The following PCDHA9 variants were observed in gnomAD, a reference collection of about 807,000 sequenced individuals.
The protein encoded by PCDHA9 is protocadherin alpha 9.
Under a neutral mutation model 62.0 loss-of-function variants are expected in PCDHA9, and 62 were observed. The observed-to-expected ratio is 1.00, with a 90% CI of 0.81 to 1.23. The LOEUF is 1.23. PCDHA9 is among the 50% of genes most tolerant of loss of function. PCDHA9 has a pLI of 0.00. For missense variants in PCDHA9, 1,205 were observed against 1,249.8 expected, an observed-to-expected ratio of 0.96 and a Z score of 0.54; for synonymous variants, 557 against 567.6, an observed-to-expected ratio of 0.98 and a Z score of 0.27.
intron 1 of PCDHA9, among the ~76,000 whole-genome samples, chr5:140,885,974 T>C (rs2060795303): frequency 6.6e-6 from 1 of 152,200 alleles, no homozygotes; most frequent in Admixed American, 6.5e-5. Flanking sequence ...GAGATAATTA[T>C]AGATTCGCAT....
intron 1 of PCDHA9, chr5:140,967,201 A>T: frequency 6.2e-7 from 1 of 1,613,620 alleles, no homozygotes; most frequent in Non-Finnish European, 8.5e-7. Flanking sequence ...ACGACAACTC[A>T]CCGCGTTTCC....
Position 140,876,739 on chromosome 5 carries a change from C to T in PCDHA9, c.2394+25850C>T, listed in dbSNP as rs782400807. The T allele has an allele frequency of 7.4e-6, 12 of 1,614,126 alleles. No homozygotes were observed. The South Asian group carries it at 1.1e-4, about 15-fold the overall frequency. ...CCGCGAGAGCGTGTCGGCCTATGAG[C>T]TGGTGGTGACTGCGCGGGATGGGGG... On this transcript the variant is annotated intron_variant, in intron 1 of 3. Coordinates refer to ENST00000532602, the MANE Select transcript of PCDHA9 (RefSeq NM_031857.2).
rs868917699 is a variant in PCDHA9, at chr5:140,850,459, G to T, written c.1964G>T (p.Gly655Val). 6.3e-7 allele frequency: 1 copy of T among 1,597,898 alleles called. No homozygotes were observed. Among genetic ancestry groups the T allele is most frequent in the Admixed American group, 1.7e-5 (1 of 59,264 alleles). ...CTACTGGTGCTGGTGAAAGACCACG[G>T]GGAGCCAGCGCTGACGGCCACGGCC... ...QRLLVLVKDH[G>V]EPALTATATV... Residue 655 changes from glycine (G) to valine (V), a missense_variant, in exon 1 of 4, where the codon GGG (glycine) becomes GTG (valine). Transcript: ENST00000532602.
rs575152424 is a variant in PCDHA9 at position 140,895,872 on chromosome 5, C to T, written c.2394+44983C>T. Among the ~76,000 whole-genome samples, 3 of 152,222 alleles carry T rather than the reference C, an allele frequency of 2.0e-5. No homozygotes were observed. The South Asian group carries it at 6.2e-4, about 32-fold the overall frequency. ...TGTACCCCAGGCTGGAGTGCAATGG[C>T]GCGATCTCGGCTCACTGCAACCTCC... On this transcript the variant is annotated intron_variant, in intron 1 of 3. Transcript: ENST00000532602.
intron 1 of PCDHA9, among the ~76,000 whole-genome samples, chr5:140,886,624 G>A (rs1204732273): frequency 6.6e-6 from 1 of 151,636 alleles, no homozygotes; most frequent in African/African-American, 2.4e-5. Context: ...TCAGGAGTCC[G>A]AGACCAGCCT....
chr5:140,856,274 G>T, intron 1 of PCDHA9: 1 of 1,598,358 alleles, frequency 6.3e-7, no homozygotes, highest in Non-Finnish European at 8.6e-7. Context: ...CCTTCTGGAG[G>T]TAAATCTGCA....
intron 1 of PCDHA9, chr5:140,927,843 CTT>C (rs1563097902): frequency 4.3e-6 from 7 of 1,614,186 alleles, no homozygotes; most frequent in African/African-American, 2.7e-5. Flanking sequence ...ACGAAGGTGT[CTT>C]TGGTTTAGCT....
intron 1 of PCDHA9, chr5:140,882,154 A>C (rs2058976763): frequency 1.3e-6 from 2 of 1,505,976 alleles, no homozygotes; most frequent in Non-Finnish European, 1.8e-6. Flanking sequence ...AGAAAGCGGA[A>C]TACCTCTTGC....
At chr5:140,970,247 C>T (rs551216649) in intron 1 of PCDHA9, among the ~76,000 whole-genome samples, 1 of 152,290 alleles carries the variant, frequency 6.6e-6, no homozygotes, top group East Asian at 1.9e-4. Context: ...TTTCTGTTGA[C>T]AGTTTCTATG....
chr5:140,939,379 A>C (rs1554212694), intron 1 of PCDHA9, among the ~76,000 whole-genome samples: 1 of 152,170 alleles, frequency 6.6e-6, no homozygotes, highest in Non-Finnish European at 1.5e-5. Flanking sequence ...GAACACAAAC[A>C]TTCAGATCAT....
chr5:141,010,525 C>A lies in PCDHA9; in HGVS notation c.*588C>A. On this transcript the variant is annotated 3_prime_UTR_variant, in exon 4 of 4. Coordinates refer to ENST00000532602, the MANE Select transcript of PCDHA9 (RefSeq NM_031857.2). ...CTAAATCTTACAACTCAAGAGGTGG[C>A]AGCCACCCTCTAGGAGACAAAACTA... 1 of 436,454 alleles carries A rather than the reference C, an allele frequency of 2.3e-6. No homozygotes were observed. The highest frequency in any genetic ancestry group is 3.9e-6 in the Non-Finnish European group (1 of 256,874). 27.0% of individuals were successfully genotyped at this position (436,454 alleles called of 1,614,324 possible).
intron 1 of PCDHA9, among the ~76,000 whole-genome samples, chr5:140,922,964 GTGGCA>G (rs1293947003): frequency 6.6e-6 from 1 of 152,186 alleles, no homozygotes; most frequent in East Asian, 1.9e-4. Context: ...TCTTCAGCCA[GTGGCA>G]TATCTCAGAC....
chr5:140,877,704 C>G, intron 1 of PCDHA9: 2 of 1,613,952 alleles, frequency 1.2e-6, no homozygotes, highest in South Asian at 1.1e-5. Context: ...GCTCCAGCGC[C>G]GTGGGGAGTT....
chr5:140,967,026 C>G, intron 1 of PCDHA9: 2 of 1,608,434 alleles, frequency 1.2e-6, no homozygotes, highest in East Asian at 4.5e-5. Flanking sequence ...GCGCCCAGTC[C>G]GCGCTACCTG....
At chr5:140,877,438 G>A (rs1554169741) in intron 1 of PCDHA9, 1 of 1,613,892 alleles carries the variant, frequency 6.2e-7, no homozygotes, top group South Asian at 1.1e-5. Context: ...GGACCACGGT[G>A]AGCCCGCGCT....
chr5:140,951,841 AAAAGTCC>A (rs1266500275), intron 1 of PCDHA9, among the ~76,000 whole-genome samples: 1 of 152,182 alleles, frequency 6.6e-6, no homozygotes, highest in African/African-American at 2.4e-5. Context: ...GCATTAAGCC[AAAAGTCC>A]AAAGTCCAAA....
At chr5:140,901,761 A>G (rs1276192436) in intron 1 of PCDHA9, among the ~76,000 whole-genome samples, 1 of 152,124 alleles carries the variant, frequency 6.6e-6, no homozygotes, top group African/African-American at 2.4e-5. Flanking sequence ...TTTGACAGGG[A>G]TTGCATTGAA....
intron 1 of PCDHA9, among the ~76,000 whole-genome samples, chr5:140,932,852 T>C (rs2088679496): frequency 1.3e-5 from 2 of 151,996 alleles, no homozygotes; most frequent in Non-Finnish European, 2.9e-5. Flanking sequence ...ATAATGTTAA[T>C]GACTTATTGT....
intron 1 of PCDHA9, chr5:140,860,433 T>C (rs2046395592): frequency 6.6e-6 from 1 of 152,064 alleles, no homozygotes; most frequent in Non-Finnish European, 1.5e-5. Context: ...GCAAATATGA[T>C]CTTTTTCATA....
Sources: allele counts gnomAD v4.1 joint callset (sites outside exome capture counted in the v4.1 genomes callset), GRCh38; gene constraint gnomAD v4.1.1; transcripts MANE v1.5; gene names NCBI Gene and HGNC (gene_info 2026-07-23, HGNC 2026-07-21).